CCDC13: variants seen among roughly 807,000 people sequenced by gnomAD.
CCDC13 encodes the protein coiled-coil domain containing 13.
A neutral mutation model predicts 87.3 loss-of-function variants in CCDC13; 70 were observed. The observed-to-expected ratio is 0.80, with a 90% CI of 0.66 to 0.98. The LOEUF (loss-of-function observed/expected upper bound fraction) is 0.98, where lower values mean the gene tolerates loss of function less well. CCDC13 is among the 50% of genes least tolerant of loss of function. The pLI, the probability that CCDC13 is intolerant of heterozygous loss-of-function variation, is 0.00. For missense variants in CCDC13, 842 were observed against 892.0 expected, an observed-to-expected ratio of 0.94 and a Z score of 0.71; for synonymous variants, 317 against 360.3, an observed-to-expected ratio of 0.88 and a Z score of 1.36.
chr3:42,725,391 AG>A (rs1698663322), intron 13 of CCDC13, among the ~76,000 whole-genome samples: 1 of 152,102 alleles, frequency 6.6e-6, no homozygotes. Flanking sequence ...AAAATTAGCC[AG>A]GCATGTTGGC....
At chr3:42,722,290 T>C (rs1319603015) in intron 13 of CCDC13, among the ~76,000 whole-genome samples, 1 of 152,122 alleles carries the variant, frequency 6.6e-6, no homozygotes, top group East Asian at 1.9e-4. Context: ...AAAAGATGGA[T>C]CTTCGTCCCT....
chr3:42,748,187 T>C (rs1699472466), intron 5 of CCDC13, among the ~76,000 whole-genome samples: 1 of 152,178 alleles, frequency 6.6e-6, no homozygotes, highest in African/African-American at 2.4e-5. Context: ...TCATAGATAT[T>C]TGACAAAGGG....
intron 7 of CCDC13, among the ~76,000 whole-genome samples, chr3:42,743,985 T>C (rs1436138054): frequency 6.6e-6 from 1 of 152,192 alleles, no homozygotes; most frequent in African/African-American, 2.4e-5. Flanking sequence ...AACACTGCCC[T>C]GCGTAACACT....
At position 42,733,523 on chromosome 3, in the gene CCDC13, C is replaced by T. The variant is rs1698898439; in HGVS notation, c.1458G>A (p.Leu486=). The change falls in exon 11 of 16, where the codon CTG becomes CTA. Residue 486 remains leucine, a synonymous_variant. Transcript: ENST00000310232. ...CGCCTGCTGAGGCCGGGGACTTGGT[C>T]AGGCCTGGGTCCTCCAGGAACTGGG... ...AYTQFLEDPG[L]TKSPASAGDH... 6.2e-7 allele frequency: 1 copy of T among 1,614,134 alleles called. No individual in the cohort carries two copies. The highest frequency in any genetic ancestry group is 8.5e-7 in the Non-Finnish European group (1 of 1,180,028).
At position 42,735,922 on chromosome 3, in the gene CCDC13, C is replaced by A; in HGVS notation, c.1165-9G>T. 2.5e-6 allele frequency: 4 copies of A among 1,610,828 alleles called. No homozygotes were observed. Among genetic ancestry groups the A allele is most frequent in the Non-Finnish European group, 3.4e-6 (4 of 1,178,710 alleles). On this transcript the variant is annotated splice_polypyrimidine_tract_variant and intron_variant, in intron 9 of 15. Coordinates refer to ENST00000310232, the MANE Select transcript of CCDC13 (RefSeq NM_144719.4). ...AGCTGCTTCAGCTGGTCCTGGGGGGCCAGGCAGGAGGGCAGGTGGAGTCAG... is the reference window on the plus strand; with the variant it reads ...AGCTGCTTCAGCTGGTCCTGGGGGGACAGGCAGGAGGGCAGGTGGAGTCAG...
At chr3:42,749,914 G>A (rs559245309) in intron 5 of CCDC13, 103 of 456,716 alleles carry the variant, frequency 2.3e-4, no homozygotes, top group African/African-American at 2.0e-3. Flanking sequence ...GATTGAGCCT[G>A]CAGGCCTCTG....
chr3:42,745,799 C>T (rs1302294551), intron 7 of CCDC13, 124 bp downstream of exon 7: 6 of 652,888 alleles, frequency 9.2e-6, no homozygotes, highest in Non-Finnish European at 1.6e-5. Context: ...CACGAGTGCA[C>T]TGTGAGACCT....
At chr3:42,743,462 G>T (rs567894702) in intron 7 of CCDC13, among the ~76,000 whole-genome samples, 4 of 147,018 alleles carry the variant, frequency 2.7e-5, no homozygotes, top group Non-Finnish European at 6.0e-5. Context: ...CTGTTGCCCC[G>T]ACTGGAGTGC....
At chr3:42,766,608 G>GAAAAA (rs34691284) in intron 1 of CCDC13, among the ~76,000 whole-genome samples, 5 of 137,738 alleles carry the variant, frequency 3.6e-5, no homozygotes, top group South Asian at 2.2e-4. Context: ...CTGTCTCAAA[G>GAAAAA]AAAAAAAAAA....
chr3:42,747,168 C>T (rs1473164044), intron 6 of CCDC13, 89 bp downstream of exon 6: 1 of 972,974 alleles, frequency 1.0e-6, no homozygotes, highest in Admixed American at 1.7e-5. Context: ...GCACTCATGG[C>T]TCCAGAAAGG....
At chr3:42,771,169 A>G (rs1023094801) in intron 1 of CCDC13, 1 of 152,362 alleles carries the variant, frequency 6.6e-6, no homozygotes, top group East Asian at 1.9e-4. Context: ...CATGAAAGAA[A>G]CCTAAATGTG....
chr3:42,730,457 C>T lies in CCDC13; in HGVS notation c.1718+10G>A, dbSNP rs558622736. On this transcript the variant is annotated intron_variant, in intron 13 of 15. Coordinates refer to ENST00000310232, the MANE Select transcript of CCDC13 (RefSeq NM_144719.4). ...GCCTATGGGAGAGATCCCTGGGTGC[C>T]ATGTGTTACCGTTTCTGCAGGACAG... 6.2e-7 allele frequency: 1 copy of T among 1,611,744 alleles called. No homozygotes were observed. Among genetic ancestry groups the T allele is most frequent in the East Asian group, 2.2e-5 (1 of 44,776 alleles).
chr3:42,760,825 A>C (rs1183813722), intron 1 of CCDC13, among the ~76,000 whole-genome samples: 1 of 152,078 alleles, frequency 6.6e-6, no homozygotes, highest in Non-Finnish European at 1.5e-5. Context: ...ATGGTATCTC[A>C]ATGTGTTTTT....
chr3:42,762,188 T>G (rs1699846544), intron 1 of CCDC13, among the ~76,000 whole-genome samples: 1 of 152,194 alleles, frequency 6.6e-6, no homozygotes. Flanking sequence ...AGCCCAGGGT[T>G]TGGCAAAGGT....
intron 8 of CCDC13, among the ~76,000 whole-genome samples, chr3:42,742,608 T>TC (rs1699254991): frequency 6.6e-6 from 1 of 151,982 alleles, no homozygotes; most frequent in South Asian, 2.1e-4. Flanking sequence ...GCCATGACCC[T>TC]CCCCCTCTCC....
At chr3:42,709,857 G>A (rs1698263882) in intron 14 of CCDC13, 59 bp from the exon 15 acceptor site, 3 of 1,304,076 alleles carry the variant, frequency 2.3e-6, no homozygotes, top group Non-Finnish European at 3.3e-6. Context: ...CTAGCACCCT[G>A]CTTCTCCTCC....
chr3:42,736,271 G>T (rs1457877417), intron 9 of CCDC13, among the ~76,000 whole-genome samples: 1 of 152,192 alleles, frequency 6.6e-6, no homozygotes, highest in African/African-American at 2.4e-5. Context: ...GCCCTTGGAG[G>T]CAGTACCTGG....
chr3:42,751,126 T>G (rs1699566853), intron 5 of CCDC13, among the ~76,000 whole-genome samples: 2 of 152,226 alleles, frequency 1.3e-5, no homozygotes, highest in Non-Finnish European at 1.5e-5. Flanking sequence ...CAGGGCAGTC[T>G]GATCCTGAGG....
At chr3:42,748,974 G>T (rs1005350480) in intron 5 of CCDC13, among the ~76,000 whole-genome samples, 2 of 152,106 alleles carry the variant, frequency 1.3e-5, no homozygotes, top group African/African-American at 2.4e-5. Context: ...AGCCAGGCTG[G>T]TCTTGAACTC....
Sources: allele counts gnomAD v4.1 joint callset (sites outside exome capture counted in the v4.1 genomes callset), GRCh38; gene constraint gnomAD v4.1.1; transcripts MANE v1.5; gene names NCBI Gene and HGNC (gene_info 2026-07-23, HGNC 2026-07-21).